TTC39C: variants seen among roughly 807,000 people sequenced by gnomAD.
TTC39C encodes the protein tetratricopeptide repeat domain 39C, also known as tetratricopeptide repeat protein 39C.
A neutral mutation model predicts 76.3 loss-of-function variants in TTC39C; 33 were observed. The ratio of observed to expected loss-of-function variants is 0.43; its 90% CI spans 0.33 to 0.58. The LOEUF (loss-of-function observed/expected upper bound fraction) is 0.58. Among genes scored for constraint, TTC39C ranks in the 20% least tolerant of loss-of-function variants. The pLI, the probability that TTC39C is intolerant of heterozygous loss-of-function variation, is 0.04. For synonymous variants in TTC39C, 254 were observed against 260.6 expected (o/e 0.97, Z 0.24); for missense variants, 595 against 701.4 (o/e 0.85, Z 1.71).
intron 1 of TTC39C, among the ~76,000 whole-genome samples, chr18:24,045,910 TATATATATATATATATA>T (rs375495045): frequency 0.15 from 5,231 of 35,446 alleles, 926 homozygotes; most frequent in Non-Finnish European, 0.18. Context: ...TATATATATA[TATATATATATATATATA>T]TTTTTTTTTT....
In TTC39C at chr18:24,023,947, C is replaced by CTATATCTATATCTAT. The variant is rs1568408676; in HGVS notation, c.167+8909_167+8910insTATATCTATATCTAT. Among the ~76,000 whole-genome samples the CTATATCTATATCTAT allele has an allele frequency of 2.0e-4, 13 of 64,034 alleles. 2 individuals carry two copies. Among genetic ancestry groups the CTATATCTATATCTAT allele is most frequent in the Non-Finnish European group, 2.8e-4 (11 of 39,120 alleles). The allele number at this position is 64,034 out of a possible 152,430, so 42.0% of individuals were successfully genotyped here. ...AAATAAAATTACATATATATATATG[C>CTATATCTATATCTAT]ATGTATATATATATATATATATATA... On this transcript the variant is annotated intron_variant, in intron 1 of 13. Transcript: ENST00000317571.
At position 24,043,850 on chromosome 18, in the gene TTC39C, G is replaced by A. The variant is rs569278223; in HGVS notation, c.168-20290G>A. On this transcript the variant is annotated intron_variant, in intron 1 of 13. Transcript: ENST00000317571. ...ATGGTATTAAGCTCATTCACAGCAGGCTCAAGAGTGAACAAGTAGTTTTGC... is the reference window on the plus strand; with the variant it reads ...ATGGTATTAAGCTCATTCACAGCAGACTCAAGAGTGAACAAGTAGTTTTGC... Among the ~76,000 whole-genome samples the A allele has an allele frequency of 2.6e-5, 4 of 152,356 alleles. No individual in the cohort carries two copies. The South Asian group carries it at 6.2e-4, about 24-fold the overall frequency.
At chr18:24,084,420 G>C (rs2084416239) in intron 6 of TTC39C, among the ~76,000 whole-genome samples, 1 of 152,142 alleles carries the variant, frequency 6.6e-6, no homozygotes, top group Non-Finnish European at 1.5e-5. Context: ...GGGAGGCAGA[G>C]GTTGTAGTGA....
intron 1 of TTC39C, 53 bp from the exon 2 acceptor site, chr18:24,064,087 T>G: frequency 6.2e-7 from 1 of 1,603,834 alleles, no homozygotes; most frequent in Non-Finnish European, 8.5e-7. Context: ...TAAAATAAAA[T>G]TTTACAGTGA....
intron 1 of TTC39C, among the ~76,000 whole-genome samples, chr18:24,059,023 T>G (rs991303886): frequency 6.6e-6 from 1 of 152,216 alleles, no homozygotes; most frequent in African/African-American, 2.4e-5. Context: ...GAGCTCTTAG[T>G]TGGATATGTG....
At chr18:24,087,593 G>GTTTTTTTTTTTTGT (rs757639984) in intron 6 of TTC39C, among the ~76,000 whole-genome samples, 1 of 132,882 alleles carries the variant, frequency 7.5e-6, no homozygotes, top group Non-Finnish European at 1.7e-5. Context: ...TTTTTTTTTT[G>GTTTTTTTTTTTTGT]TTTTTTTTTG....
At chr18:24,076,771 A>G (rs780428499) in intron 4 of TTC39C, 3 of 152,030 alleles carry the variant, frequency 2.0e-5, no homozygotes, top group Admixed American at 6.6e-5. Context: ...CAAATTAAGG[A>G]CCTTACAGCT....
chr18:24,023,972 A>ATGCATG (rs1555766845), intron 1 of TTC39C, among the ~76,000 whole-genome samples: 1 of 12,438 alleles, frequency 8.0e-5, no homozygotes, highest in African/African-American at 1.8e-4. Context: ...ATATATATAT[A>ATGCATG]TATATATACA....
At chr18:24,128,084 C>T (rs1041034771) in intron 10 of TTC39C, among the ~76,000 whole-genome samples, 3 of 152,164 alleles carry the variant, frequency 2.0e-5, no homozygotes, top group Admixed American at 2.0e-4. Flanking sequence ...TTGCTCTTCT[C>T]TCTGAGAAGG....
In TTC39C at chr18:24,134,115, A is replaced by C. The variant is rs2085166924; in HGVS notation, c.*1541A>C. 6.5e-6 allele frequency: 1 copy of C among 154,690 alleles called. No individual in the cohort carries two copies. The highest frequency in any genetic ancestry group is 1.5e-5 in the Non-Finnish European group (1 of 68,226). The allele number at this position is 154,690 out of a possible 1,614,324, so 9.6% of individuals were successfully genotyped here. On this transcript the variant is annotated 3_prime_UTR_variant, in exon 14 of 14. Coordinates refer to ENST00000317571, the MANE Select transcript of TTC39C (RefSeq NM_001135993.2). ...TAGACTGTTTCCAAAATGTGTATTC[A>C]CATTGACTTTCTCCCTGATGTGAAT... is the stretch of plus-strand genomic sequence containing the variant.
chr18:24,125,313 G>T, intron 9 of TTC39C, 114 bp from the exon 10 acceptor site: 1 of 1,310,040 alleles, frequency 7.6e-7, no homozygotes, highest in Non-Finnish European at 1.0e-6. Flanking sequence ...TAGCTTTGAA[G>T]GAGAGGGTCA....
At chr18:24,113,540 G>A in intron 6 of TTC39C, 2 of 701,308 alleles carry the variant, frequency 2.9e-6, no homozygotes, top group South Asian at 3.0e-5. Flanking sequence ...GGGGAGGGAA[G>A]TCCACCTCCC....
At chr18:24,121,289 C>A (rs912981522) in intron 8 of TTC39C, among the ~76,000 whole-genome samples, 1 of 152,132 alleles carries the variant, frequency 6.6e-6, no homozygotes, top group Non-Finnish European at 1.5e-5. Context: ...AAGCAACTAT[C>A]TGGCTGGGGG....
At chr18:24,012,444 A>G (rs1299546659), upstream of TTC39C, among the ~76,000 whole-genome samples, 1 of 152,162 alleles carries the variant, frequency 6.6e-6, no homozygotes. Flanking sequence ...CTAGCCCCAC[A>G]AAGAGTGCTC....
intron 6 of TTC39C, among the ~76,000 whole-genome samples, chr18:24,110,760 T>C (rs537331689): frequency 2.0e-4 from 31 of 152,370 alleles, no homozygotes; most frequent in African/African-American, 6.7e-4. Context: ...TCAATAAACA[T>C]GCCCTACTTA....
Position 24,114,711 on chromosome 18 carries a change from T to TCA in TTC39C, c.1078+65_1078+66dup, listed in dbSNP as rs2084869694. ...TAGTATTAATGCAGTATTTTAGCTT[T>TCA]CATGCCATTCAGTGTGTGTCTACAA... On this transcript the variant is annotated intron_variant, in intron 7 of 13. Transcript: ENST00000317571. The TCA allele has an allele frequency of 3.9e-6, 5 of 1,287,096 alleles. No homozygotes were observed. In the Admixed American group the frequency reaches 8.6e-5, roughly 22 times the overall value. 79.7% of individuals were successfully genotyped at this position (1,287,096 alleles called of 1,614,324 possible).
At chr18:24,107,262 C>A (rs750330612) in intron 6 of TTC39C, among the ~76,000 whole-genome samples, 1 of 148,906 alleles carries the variant, frequency 6.7e-6, no homozygotes, top group Non-Finnish European at 1.5e-5. Context: ...TATTAGATAT[C>A]TCTTAGGCCT....
upstream of TTC39C, chr18:24,014,603 T>G: frequency 9.6e-6 from 3 of 311,776 alleles, no homozygotes; most frequent in Non-Finnish European, 1.6e-5. Context: ...GTTGGGTGCT[T>G]CGGAGGGCGC....
intron 4 of TTC39C, chr18:24,077,217 C>T (rs557775718): frequency 6.6e-6 from 1 of 152,340 alleles, no homozygotes; most frequent in African/African-American, 2.4e-5. Flanking sequence ...TGTTCCCTTT[C>T]CCTTAGTGCA....
Sources: gnomAD v4.1 joint callset for allele counts (sites outside exome capture counted in the v4.1 genomes callset) on GRCh38, gnomAD v4.1.1 for gene constraint, MANE v1.5 for transcripts, NCBI Gene and HGNC (gene_info 2026-07-23, HGNC 2026-07-21) for gene names.